The following ANKS1B variants were observed in gnomAD, a reference collection of about 807,000 sequenced individuals.
The protein encoded by ANKS1B is ankyrin repeat and sterile alpha motif domain containing 1B.
ANKS1B carries 36 observed loss-of-function variants against 148.3 expected under a neutral mutation model. That is an observed-to-expected ratio of 0.24 (90% CI 0.19 to 0.32). The LOEUF (loss-of-function observed/expected upper bound fraction) is 0.32, where lower values mean the gene tolerates loss of function less well. Ranked by LOEUF, ANKS1B falls within the 10% of genes least tolerant of loss-of-function variation. The pLI is 1.00. For synonymous variants in ANKS1B, 542 were observed against 560.8 expected, an observed-to-expected ratio of 0.97 and a Z score of 0.47; for missense variants, 1,157 against 1,542.6, an observed-to-expected ratio of 0.75 and a Z score of 4.19.
intron 9 of ANKS1B, among the ~76,000 whole-genome samples, chr12:99,635,395 A>G (rs2098223331): frequency 6.6e-6 from 1 of 152,220 alleles, no homozygotes. Context: ...AATATGGTAT[A>G]TACACACAAT....
At chr12:99,655,309 A>T (rs2098444735) in intron 8 of ANKS1B, 99 bp from the exon 9 acceptor site, 1 of 1,103,804 alleles carries the variant, frequency 9.1e-7, no homozygotes. Flanking sequence ...ATATCTCGGC[A>T]AACAAGTCAG....
chr12:99,909,539 A>G (rs1003172341), intron 1 of ANKS1B, among the ~76,000 whole-genome samples: 2 of 152,120 alleles, frequency 1.3e-5, no homozygotes, highest in Non-Finnish European at 2.9e-5. Flanking sequence ...AGTCTCACCA[A>G]CACATCTCTT....
chr12:99,715,615 G>C (rs1479267410), intron 8 of ANKS1B, among the ~76,000 whole-genome samples: 1 of 152,108 alleles, frequency 6.6e-6, no homozygotes, highest in Non-Finnish European at 1.5e-5. Context: ...CTCGGATCAG[G>C]GGACCCTTGG....
intron 8 of ANKS1B, among the ~76,000 whole-genome samples, chr12:99,663,895 A>G (rs2098491259): frequency 6.6e-6 from 1 of 152,198 alleles, no homozygotes; most frequent in Non-Finnish European, 1.5e-5. Flanking sequence ...TGCTGTTTAC[A>G]TATTTGACAT....
intron 9 of ANKS1B, among the ~76,000 whole-genome samples, chr12:99,605,426 T>C (rs932230543): frequency 2.0e-5 from 3 of 151,992 alleles, no homozygotes; most frequent in African/African-American, 7.2e-5. Flanking sequence ...TACTGGAAAT[T>C]ATTCATCCTA....
chr12:99,704,765 A>G (rs1301240286), intron 8 of ANKS1B, among the ~76,000 whole-genome samples: 1 of 152,112 alleles, frequency 6.6e-6, no homozygotes, highest in East Asian at 1.9e-4. Flanking sequence ...AAATCTCTAG[A>G]AAGGTGCTGC....
Position 99,389,692 on chromosome 12 carries a change from T to C in ANKS1B, c.1756+9939A>G, listed in dbSNP as rs566487897. Among the ~76,000 whole-genome samples, 6 of 152,246 alleles carry C rather than the reference T, an allele frequency of 3.9e-5. No homozygotes were observed. The South Asian group carries it at 1.0e-3, about 26-fold the overall frequency. The stretch of plus-strand genomic sequence containing the variant: ...AGAGAAGATATATACAGCAATAAAT[T>C]TGAATTTCAAAGAAAATTTCAGGTA... On this transcript the variant is annotated intron_variant, in intron 12 of 26. Transcript: ENST00000683438.
chr12:98,882,959 C>T lies in ANKS1B; in HGVS notation c.2779-50823G>A, dbSNP rs1389509298. On this transcript the variant is annotated intron_variant, in intron 17 of 26. Coordinates refer to ENST00000683438, the MANE Select transcript of ANKS1B (RefSeq NM_001352186.2). ...TATTTCAGCTTGTCACAAACAACAA[C>T]GTTCTTTAGAGTGTATTTTTAAAAG... is the stretch of plus-strand genomic sequence containing the variant. Among the ~76,000 whole-genome samples the T allele has an allele frequency of 2.6e-5, 4 of 152,186 alleles. No individual in the cohort carries two copies. In the East Asian group the frequency reaches 5.8e-4, roughly 22 times the overall value.
intron 9 of ANKS1B, among the ~76,000 whole-genome samples, chr12:99,562,227 G>T (rs2097343799): frequency 6.6e-6 from 1 of 152,148 alleles, no homozygotes; most frequent in African/African-American, 2.4e-5. Flanking sequence ...AGGCTTGATT[G>T]TTCCATTTTT....
chr12:99,180,489 T>C lies in ANKS1B; in HGVS notation c.2420-26094A>G, dbSNP rs922244305. On this transcript the variant is annotated intron_variant, in intron 14 of 26. Coordinates refer to ENST00000683438, the MANE Select transcript of ANKS1B (RefSeq NM_001352186.2). ...TTAACTGGACTAAGCAGTGCTTACTTTCCCAAAAAGTTGATTATAGAGACT... is the reference window on the plus strand; with the variant it reads ...TTAACTGGACTAAGCAGTGCTTACTCTCCCAAAAAGTTGATTATAGAGACT... Among the ~76,000 whole-genome samples the C allele has an allele frequency of 3.9e-4, 59 of 152,170 alleles. 1 individual carries two copies. Among genetic ancestry groups the C allele is most frequent in the Non-Finnish European group, 1.5e-5 (1 of 68,022 alleles).
intron 10 of ANKS1B, among the ~76,000 whole-genome samples, chr12:99,472,438 G>A (rs974154306): frequency 6.6e-6 from 1 of 152,058 alleles, no homozygotes; most frequent in Non-Finnish European, 1.5e-5. Flanking sequence ...TCAGACCTAA[G>A]TATAGTACTG....
chr12:99,245,186 A>G (rs1251163721), intron 13 of ANKS1B, among the ~76,000 whole-genome samples: 4 of 152,204 alleles, frequency 2.6e-5, no homozygotes, highest in Non-Finnish European at 5.9e-5. Flanking sequence ...GGTTTGACCA[A>G]CCACAAGCTG....
chr12:99,199,300 C>T (rs928135728), intron 14 of ANKS1B, among the ~76,000 whole-genome samples: 2 of 152,162 alleles, frequency 1.3e-5, no homozygotes, highest in African/African-American at 4.8e-5. Context: ...CAATAGATAA[C>T]TAGTATTCTG....
chr12:99,596,555 G>T (rs1384681718), intron 9 of ANKS1B, among the ~76,000 whole-genome samples: 2 of 151,796 alleles, frequency 1.3e-5, no homozygotes, highest in Non-Finnish European at 2.9e-5. Flanking sequence ...ACCTAGTATG[G>T]GGGTAGGTTT....
intron 8 of ANKS1B, 22 bp downstream of exon 8, chr12:99,772,900 C>A (rs2063332071): frequency 6.3e-7 from 1 of 1,599,946 alleles, no homozygotes; most frequent in Non-Finnish European, 8.5e-7. Flanking sequence ...ACATTATCTT[C>A]ATTCCCCCCC....
chr12:99,632,055 C>T (rs1349229711), intron 9 of ANKS1B, among the ~76,000 whole-genome samples: 3 of 152,152 alleles, frequency 2.0e-5, no homozygotes, highest in African/African-American at 7.2e-5. Flanking sequence ...AGAGTGGTTT[C>T]ACGGGACAGG....
chr12:99,938,574 A>G (rs1376764436), intron 1 of ANKS1B, among the ~76,000 whole-genome samples: 1 of 152,230 alleles, frequency 6.6e-6, no homozygotes, highest in East Asian at 1.9e-4. Flanking sequence ...TTGCTAACAT[A>G]TCATAAGAGG....
At chr12:99,272,604 G>A (rs1338310196) in intron 12 of ANKS1B, among the ~76,000 whole-genome samples, 1 of 152,044 alleles carries the variant, frequency 6.6e-6, no homozygotes, top group Non-Finnish European at 1.5e-5. Context: ...CCCAAAATAT[G>A]TACAGCTATT....
rs892079777 is a variant in ANKS1B, at chr12:99,966,996, C to T, written c.134+17108G>A. 2.0e-5 allele frequency among the ~76,000 whole-genome samples: 3 copies of T among 152,256 alleles called. No individual in the cohort carries two copies. The East Asian group carries it at 5.8e-4, about 29-fold the overall frequency. ...GGAAGATTGGCCAAGCAGTGTCACT[C>T]CCTATGGCCTGTCTTGGTGCCTACA... On this transcript the variant is annotated intron_variant, in intron 1 of 26. Coordinates refer to ENST00000683438, the MANE Select transcript of ANKS1B (RefSeq NM_001352186.2).
Sources: gnomAD v4.1 joint callset for allele counts (sites outside exome capture counted in the v4.1 genomes callset) on GRCh38, gnomAD v4.1.1 for gene constraint, MANE v1.5 for transcripts, NCBI Gene and HGNC (gene_info 2026-07-23, HGNC 2026-07-21) for gene names.